Variants in PRKG1 observed in about 807,000 individuals in gnomAD.
The protein encoded by PRKG1 is protein kinase cGMP-dependent 1, also known as cGMP-dependent protein kinase 1.
PRKG1 carries 35 observed loss-of-function variants against 88.1 expected under a neutral mutation model. The observed-to-expected ratio is 0.40, with a 90% confidence interval of 0.30 to 0.53. The LOEUF (loss-of-function observed/expected upper bound fraction) is 0.53. Among genes scored for constraint, PRKG1 ranks in the 20% least tolerant of loss-of-function variants. The pLI is 0.59. For synonymous variants in PRKG1, 303 were observed against 292.5 expected, an observed-to-expected ratio of 1.04 and a Z score of -0.37; for missense variants, 540 against 839.8, an observed-to-expected ratio of 0.64 and a Z score of 4.41.
chr10:52,060,760 A>G (rs1349404695), intron 6 of PRKG1, among the ~76,000 whole-genome samples: 7 of 151,960 alleles, frequency 4.6e-5, no homozygotes, highest in African/African-American at 7.2e-5. Flanking sequence ...TGGAAGATGC[A>G]TATACTTAAT....
intron 3 of PRKG1, among the ~76,000 whole-genome samples, chr10:51,538,454 A>T (rs866464424): frequency 3.8e-4 from 27 of 70,138 alleles, no homozygotes; most frequent in Admixed American, 1.4e-3. Context: ...ATTATATATT[A>T]TATAATATAT....
At chr10:52,013,115 C>G (rs7908149) in intron 5 of PRKG1, among the ~76,000 whole-genome samples, 120,067 of 152,096 alleles carry the variant, frequency 0.79, 47,590 homozygotes, top group Non-Finnish European at 0.82. Context: ...TTAACCAGTG[C>G]TTCAAGAAAG....
chr10:51,737,738 TTAATTATTATTATTATTA>T (rs56387375), intron 3 of PRKG1, among the ~76,000 whole-genome samples: 47,710 of 131,854 alleles, frequency 0.36, 8,849 homozygotes, highest in Middle Eastern at 0.48. Context: ...TATTTATTTA[TTAATTATTATTATTATTA>T]TTATTATTAT....
chr10:51,882,174 A>G (rs750598512), intron 4 of PRKG1, among the ~76,000 whole-genome samples: 3 of 152,194 alleles, frequency 2.0e-5, no homozygotes, highest in Non-Finnish European at 4.4e-5. Context: ...GAACAAAAGG[A>G]GCTCATTAGC....
intron 9 of PRKG1, chr10:52,184,576 T>A (rs181015180): frequency 5.3e-5 from 8 of 152,356 alleles, no homozygotes; most frequent in African/African-American, 1.9e-4. Flanking sequence ...TTTTAATCTC[T>A]GCACTGTTGA....
intron 3 of PRKG1, among the ~76,000 whole-genome samples, chr10:51,619,509 C>A (rs1839153241): frequency 6.6e-6 from 1 of 152,114 alleles, no homozygotes; most frequent in Non-Finnish European, 1.5e-5. Flanking sequence ...AAACTAAGAC[C>A]AATCAAATCA....
chr10:52,011,665 C>T (rs1844882632), intron 5 of PRKG1, among the ~76,000 whole-genome samples: 1 of 152,140 alleles, frequency 6.6e-6, no homozygotes, highest in Admixed American at 6.6e-5. Flanking sequence ...TACTTCTTCC[C>T]ATCAATGCCA....
rs532703972 is a variant in PRKG1 at position 51,598,642 on chromosome 10, G to A, written c.592+130806G>A. Among the ~76,000 whole-genome samples the A allele has an allele frequency of 1.5e-4, 23 of 152,270 alleles. No individual in the cohort carries two copies. In the South Asian group the frequency reaches 4.8e-3, roughly 32 times the overall value. On this transcript the variant is annotated intron_variant, in intron 3 of 17. Transcript: ENST00000373980. The stretch of plus-strand genomic sequence containing the variant: ...TTCTTATTTTGTTTTAACTGATTGG[G>A]TTTTAGTAAAATATTCAGTGGTCCC...
At chr10:51,667,243 A>C (rs1405543362) in intron 3 of PRKG1, among the ~76,000 whole-genome samples, 1 of 152,212 alleles carries the variant, frequency 6.6e-6, no homozygotes, top group Non-Finnish European at 1.5e-5. Context: ...ATTGTTTTGA[A>C]ATAAAGCATG....
intron 2 of PRKG1, among the ~76,000 whole-genome samples, chr10:51,360,914 C>T (rs1460316804): frequency 6.6e-6 from 1 of 151,760 alleles, no homozygotes; most frequent in Admixed American, 6.6e-5. Flanking sequence ...GCAAAATAAC[C>T]AACCACTCAG....
chr10:52,086,550 G>T (rs775511906), intron 7 of PRKG1, among the ~76,000 whole-genome samples: 1 of 151,940 alleles, frequency 6.6e-6, no homozygotes, highest in East Asian at 1.9e-4. Flanking sequence ...GATTACAGGA[G>T]AGCATCACCA....
At chr10:51,012,379 A>G (rs1843003108) in intron 1 of PRKG1, among the ~76,000 whole-genome samples, 1 of 152,198 alleles carries the variant, frequency 6.6e-6, no homozygotes, top group South Asian at 2.1e-4. Flanking sequence ...TAATTCTAAC[A>G]GTGATATGTG....
At position 52,036,137 on chromosome 10, in the gene PRKG1, G is replaced by A. The variant is rs972839854; in HGVS notation, c.763-18347G>A. Reference sequence around the variant, plus strand: ...ATAGGGGCTGTCTGTGAAGCTTTGCGGCAGTACAGCCTAGGTAACTTGCTG... The same window carrying A: ...ATAGGGGCTGTCTGTGAAGCTTTGCAGCAGTACAGCCTAGGTAACTTGCTG... On this transcript the variant is annotated intron_variant, in intron 5 of 17. Transcript: ENST00000373980. Among the ~76,000 whole-genome samples the A allele has an allele frequency of 3.9e-5, 6 of 152,114 alleles. No individual in the cohort carries two copies. In the East Asian group the frequency reaches 7.8e-4, roughly 20 times the overall value.
intron 7 of PRKG1, among the ~76,000 whole-genome samples, chr10:52,101,194 T>C (rs1324388864): frequency 6.6e-6 from 1 of 152,216 alleles, no homozygotes; most frequent in Non-Finnish European, 1.5e-5. Context: ...ATTTTTCTGT[T>C]GAACTCCTGT....
chr10:51,146,201 G>GA (rs1845945167), intron 1 of PRKG1, among the ~76,000 whole-genome samples: 1 of 149,490 alleles, frequency 6.7e-6, no homozygotes, highest in Non-Finnish European at 1.5e-5. Context: ...AAAAAAAAAA[G>GA]AAAAAAATGT....
At chr10:51,180,812 T>C (rs1346251905) in intron 2 of PRKG1, among the ~76,000 whole-genome samples, 1 of 152,226 alleles carries the variant, frequency 6.6e-6, no homozygotes, top group Non-Finnish European at 1.5e-5. Context: ...CTCTTTCCTA[T>C]ATTTAAATGG....
intron 2 of PRKG1, among the ~76,000 whole-genome samples, chr10:51,319,631 A>G (rs779506878): frequency 2.0e-4 from 30 of 152,232 alleles, no homozygotes; most frequent in Non-Finnish European, 1.0e-4. Context: ...TCTCCCAGGC[A>G]TCTTTCTACC....
chr10:51,536,400 G>A (rs1842152354), intron 3 of PRKG1, among the ~76,000 whole-genome samples: 1 of 152,044 alleles, frequency 6.6e-6, no homozygotes. Context: ...TTTTTTGCTT[G>A]CTGAATTAAG....
chr10:51,235,273 A>G (rs1385823573), intron 2 of PRKG1, among the ~76,000 whole-genome samples: 1 of 152,192 alleles, frequency 6.6e-6, no homozygotes, highest in African/African-American at 2.4e-5. Context: ...TCTCAAATTT[A>G]AGATTAAATA....
Sources: allele counts gnomAD v4.1 joint callset (sites outside exome capture counted in the v4.1 genomes callset), GRCh38; gene constraint gnomAD v4.1.1; transcripts MANE v1.5; gene names NCBI Gene and HGNC (gene_info 2026-07-23, HGNC 2026-07-21).